DLC1: variants seen among roughly 807,000 people sequenced by gnomAD.
The protein encoded by DLC1 is DLC1 Rho GTPase activating protein.
In DLC1, 54 loss-of-function variants were observed where a neutral mutation model predicts 140.3. That is an observed-to-expected ratio of 0.38 (90% confidence interval 0.31 to 0.48). DLC1 has a LOEUF of 0.48. Ranked by LOEUF, DLC1 falls within the 20% of genes least tolerant of loss-of-function variation. The probability of loss-of-function intolerance (pLI) is 0.96; values close to 1 mark genes in which losing one functional copy is unlikely to be tolerated. For missense variants in DLC1, 2,536 were observed against 1,907.0 expected, an observed-to-expected ratio of 1.33 and a Z score of -6.14; for synonymous variants, 986 against 728.1, an observed-to-expected ratio of 1.35 and a Z score of -5.70.
At chr8:13,327,247 A>G (rs1280264530) in intron 4 of DLC1, among the ~76,000 whole-genome samples, 2 of 147,028 alleles carry the variant, frequency 1.4e-5, no homozygotes, top group Non-Finnish European at 3.0e-5. Flanking sequence ...TGCTGGGATT[A>G]CAGGCGTGAG....
In DLC1 at chr8:13,443,619, C is replaced by G. The variant is rs1158005530; in HGVS notation, c.1024-42000G>C. 2.1e-5 allele frequency among the ~76,000 whole-genome samples: 3 copies of G among 141,930 alleles called. No individual in the cohort carries two copies. In the East Asian group the frequency reaches 6.2e-4, roughly 29 times the overall value. 93.1% of individuals were successfully genotyped at this position (141,930 alleles called of 152,430 possible). On this transcript the variant is annotated intron_variant, in intron 2 of 17. Transcript: ENST00000276297. ...CTTGCAGTGAGCCAAGATCGCGCCA[C>G]TGCACTCCAGCCTAGGCAACACAGC...
intron 4 of DLC1, among the ~76,000 whole-genome samples, chr8:13,331,148 G>A (rs1833569603): frequency 6.6e-6 from 1 of 152,160 alleles, no homozygotes; most frequent in Non-Finnish European, 1.5e-5. Flanking sequence ...AATGGTCACA[G>A]TGGTTTTACT....
At position 13,583,359 on chromosome 8, in the gene DLC1, A is replaced by G. The variant is rs139364490; in HGVS notation, c.-126+21178T>C. Among the ~76,000 whole-genome samples, 605 of 152,322 alleles carry G rather than the reference A, an allele frequency of 4.0e-3. 6 individuals carry two copies. The highest frequency in any genetic ancestry group is 0.014 in the African/African-American group (578 of 41,570). On this transcript the variant is annotated intron_variant, in intron 1 of 1. Transcript: ENST00000631382. ...TTCATCAGGAGTAGATTTCATCTCA[A>G]GAAGCCGCTTTCTTTGCTCATCCAT...
intron 4 of DLC1, among the ~76,000 whole-genome samples, chr8:13,335,705 A>G (rs1833787125): frequency 6.6e-6 from 1 of 152,166 alleles, no homozygotes; most frequent in Admixed American, 6.5e-5. Flanking sequence ...CCTTATAGAA[A>G]ATATTGATAA....
chr8:13,486,975 C>A (rs574800459), intron 2 of DLC1, among the ~76,000 whole-genome samples: 1 of 152,280 alleles, frequency 6.6e-6, no homozygotes, highest in East Asian at 1.9e-4. Context: ...GATATTGACT[C>A]AAAGTCCCAT....
chr8:13,550,178 T>TATGGGGGAA (rs1482962476), intron 1 of DLC1, among the ~76,000 whole-genome samples: 2 of 152,084 alleles, frequency 1.3e-5, no homozygotes, highest in Non-Finnish European at 2.9e-5. Flanking sequence ...GTGATTGGAT[T>TATGGGGGAA]ATGGGGGGCA....
intron 5 of DLC1, among the ~76,000 whole-genome samples, chr8:13,202,738 A>G (rs1474624862): frequency 3.3e-5 from 5 of 151,862 alleles, no homozygotes; most frequent in African/African-American, 1.2e-4. Flanking sequence ...CAGGGGTGCT[A>G]TTACAGCTCA....
In DLC1 at chr8:13,337,640, T is replaced by G. The variant is rs988064761; in HGVS notation, c.1315-32338A>C. 2.0e-5 allele frequency among the ~76,000 whole-genome samples: 3 copies of G among 152,126 alleles called. No homozygotes were observed. In the East Asian group the frequency reaches 5.8e-4, roughly 29 times the overall value. On this transcript the variant is annotated intron_variant, in intron 4 of 17. Transcript: ENST00000276297. ...AGACAAAATTGTAGGAAAGACAACT[T>G]ATAAGAAATCTAAATTTCCAAGATA...
chr8:13,468,069 G>A (rs1800023144), intron 2 of DLC1, among the ~76,000 whole-genome samples: 1 of 152,038 alleles, frequency 6.6e-6, no homozygotes, highest in Non-Finnish European at 1.5e-5. Context: ...CTTCAAAGAT[G>A]GTTAAAATTC....
At chr8:13,238,352 T>C (rs1048927243) in intron 5 of DLC1, among the ~76,000 whole-genome samples, 1 of 151,714 alleles carries the variant, frequency 6.6e-6, no homozygotes, top group African/African-American at 2.4e-5. Flanking sequence ...TCTCTACAAA[T>C]AAACACAAAA....
chr8:13,512,446 A>G (rs978983688), intron 1 of DLC1, among the ~76,000 whole-genome samples: 6 of 152,190 alleles, frequency 3.9e-5, no homozygotes, highest in African/African-American at 1.4e-4. Flanking sequence ...TTATTTATAT[A>G]CTGTAAAAAT....
chr8:13,377,913 A>C (rs1273775352), intron 4 of DLC1, among the ~76,000 whole-genome samples: 1 of 151,610 alleles, frequency 6.6e-6, no homozygotes, highest in Non-Finnish European at 1.5e-5. Context: ...AAAAAACAAA[A>C]ACAGGAAAAC....
chr8:13,091,218 G>T, intron 14 of DLC1, 100 bp downstream of exon 14: 1 of 1,090,180 alleles, frequency 9.2e-7, no homozygotes, highest in Non-Finnish European at 1.4e-6. Flanking sequence ...TCCAGCTGTG[G>T]AAAAGGTCTT....
At chr8:13,440,878 T>C (rs1341407848) in intron 2 of DLC1, among the ~76,000 whole-genome samples, 1 of 152,174 alleles carries the variant, frequency 6.6e-6, no homozygotes, top group Non-Finnish European at 1.5e-5. Flanking sequence ...TCTCCAGCCA[T>C]GTGGAACTGT....
chr8:13,186,330 G>C (rs1283165647), intron 5 of DLC1, among the ~76,000 whole-genome samples: 10 of 151,986 alleles, frequency 6.6e-5, no homozygotes, highest in Non-Finnish European at 1.3e-4. Context: ...CATATTTCTT[G>C]GAGGCTTTGT....
intron 5 of DLC1, among the ~76,000 whole-genome samples, chr8:13,293,782 A>T (rs1472029770): frequency 1.3e-5 from 2 of 152,182 alleles, no homozygotes; most frequent in African/African-American, 2.4e-5. Context: ...CATTTGAATC[A>T]GAACATATTA....
chr8:13,475,077 T>G (rs957026387), intron 2 of DLC1, among the ~76,000 whole-genome samples: 4 of 151,912 alleles, frequency 2.6e-5, no homozygotes, highest in African/African-American at 9.7e-5. Flanking sequence ...CCTCCCTAAG[T>G]GCCAGGATTA....
At chr8:13,092,395 TG>T (rs964120794) in intron 13 of DLC1, among the ~76,000 whole-genome samples, 2 of 152,222 alleles carry the variant, frequency 1.3e-5, no homozygotes, top group Non-Finnish European at 2.9e-5. Flanking sequence ...CGATGGATTT[TG>T]TCTGTGGGGG....
intron 4 of DLC1, among the ~76,000 whole-genome samples, chr8:13,392,606 A>T (rs1836811975): frequency 6.6e-6 from 1 of 152,166 alleles, no homozygotes; most frequent in South Asian, 2.1e-4. Flanking sequence ...CAACACTATG[A>T]TTTTCACTAA....
Sources: gnomAD v4.1 joint callset for allele counts (sites outside exome capture counted in the v4.1 genomes callset) on GRCh38, gnomAD v4.1.1 for gene constraint, MANE v1.5 for transcripts, NCBI Gene and HGNC (gene_info 2026-07-23, HGNC 2026-07-21) for gene names.